NCS1: variants seen among roughly 807,000 people sequenced by gnomAD.
NCS1 encodes neuronal calcium sensor 1.
NCS1 carries 6 observed loss-of-function variants against 28.4 expected under a neutral mutation model. The observed-to-expected ratio is 0.21, with a 90% CI of 0.12 to 0.42. The LOEUF (loss-of-function observed/expected upper bound fraction) is 0.42. Ranked by LOEUF, NCS1 falls within the 10% of genes least tolerant of loss-of-function variation. The probability of loss-of-function intolerance (pLI) is 1.00; values close to 1 mark genes in which losing one functional copy is unlikely to be tolerated. For synonymous variants in NCS1, 86 were observed against 99.3 expected (o/e 0.87, Z 0.79); for missense variants, 131 against 241.4 (o/e 0.54, Z 3.03).
rs1833598053 is a variant in NCS1 at position 130,236,563 on chromosome 9, T to A, written c.*3591T>A. 1 of 151,560 alleles carries A rather than the reference T, an allele frequency of 6.6e-6. No individual in the cohort carries two copies. The highest frequency in any genetic ancestry group is 2.4e-5 in the African/African-American group (1 of 41,188). The allele number at this position is 151,560 out of a possible 1,614,324, so 9.4% of individuals were successfully genotyped here. A position where few individuals can be genotyped will look rare whatever the true frequency, so the allele number is the denominator to read the frequency against. On this transcript the variant is annotated 3_prime_UTR_variant, in exon 8 of 8. Transcript: ENST00000372398. Reference sequence around the variant, plus strand: ...TTGCCCCCCTCTTTTTTTTTTTTTTTTAATATCTGCGGAATAAACCCAATG... The same window carrying A: ...TTGCCCCCCTCTTTTTTTTTTTTTTATAATATCTGCGGAATAAACCCAATG...
At chr9:130,212,631 A>T (rs1833127913) in intron 2 of NCS1, among the ~76,000 whole-genome samples, 3 of 151,308 alleles carry the variant, frequency 2.0e-5, no homozygotes, top group Admixed American at 2.0e-4. Flanking sequence ...GCACCAGAGC[A>T]GGTCTGGCGG....
rs140770901 is a variant in NCS1 at position 130,186,561 on chromosome 9, C to T, written c.64+13834C>T. On this transcript the variant is annotated intron_variant, in intron 1 of 7. Coordinates refer to ENST00000372398, the MANE Select transcript of NCS1 (RefSeq NM_014286.4). This position sits in a 1 kb window ranked among gnomAD's most constrained non-coding sequence, Gnocchi z 4.1. ...CTTCAGGCAGCAGGAACAGCATGTT[C>T]CAGGTCAGTCCTCACCTTCCAGGGC... Among the ~76,000 whole-genome samples, 1,640 of 152,080 alleles carry T rather than the reference C, an allele frequency of 0.011. 9 individuals carry two copies. The highest frequency in any genetic ancestry group is 0.041 in the Middle Eastern group (12 of 294).
At chr9:130,222,809 G>C (rs1290627496) in intron 5 of NCS1, 71 bp downstream of exon 5, 2 of 1,488,052 alleles carry the variant, frequency 1.3e-6, no homozygotes, top group East Asian at 2.3e-5. Context: ...GACAGAGAGA[G>C]AGCACTTGTG....
At chr9:130,172,790 C>G in intron 1 of NCS1, 63 bp downstream of exon 1, 1 of 939,372 alleles carries the variant, frequency 1.1e-6, no homozygotes, top group African/African-American at 1.8e-5. Context: ...GCCCCCGCCC[C>G]CGCCCCCCGG....
intron 1 of NCS1, among the ~76,000 whole-genome samples, chr9:130,197,509 C>T (rs757125666): frequency 2.0e-5 from 3 of 152,172 alleles, no homozygotes; most frequent in South Asian, 2.1e-4. Context: ...CTCTCCACCC[C>T]GGCTCAGCTT....
In NCS1 at chr9:130,226,537, G is replaced by T. The variant is rs1554911426; in HGVS notation, c.*17+33G>T. The T allele has an allele frequency of 1.3e-6, 2 of 1,528,946 alleles. No homozygotes were observed. Among genetic ancestry groups the T allele is most frequent in the Non-Finnish European group, 9.0e-7 (1 of 1,113,830 alleles). The allele number at this position is 1,528,946 out of a possible 1,614,324, so 94.7% of individuals were successfully genotyped here. A position where few individuals can be genotyped will look rare whatever the true frequency, so the allele number is the denominator to read the frequency against. On this transcript the variant is annotated intron_variant, in intron 7 of 7. Coordinates refer to ENST00000372398, the MANE Select transcript of NCS1 (RefSeq NM_014286.4). The surrounding 1 kb of genome is among the most constrained non-coding windows in gnomAD (Gnocchi z 4.8). ...CAGACTCGGGGCCTGGGGTGGGTCT[G>T]GGATGGGTCAGGGGTGAAAACCCAG...
intron 2 of NCS1, among the ~76,000 whole-genome samples, chr9:130,204,328 G>A (rs577462754): frequency 2.0e-5 from 3 of 152,028 alleles, no homozygotes; most frequent in South Asian, 2.1e-4. Flanking sequence ...TTGCCCTGTC[G>A]CCCAGGCTGG....
At position 130,180,574 on chromosome 9, in the gene NCS1, A is replaced by G. The variant is rs1308578439; in HGVS notation, c.64+7847A>G. 6.6e-6 allele frequency among the ~76,000 whole-genome samples: 1 copy of G among 152,170 alleles called. No homozygotes were observed. On this transcript the variant is annotated intron_variant, in intron 1 of 7. Coordinates refer to ENST00000372398, the MANE Select transcript of NCS1 (RefSeq NM_014286.4). The surrounding 1 kb of genome is among the most constrained non-coding windows in gnomAD (Gnocchi z 4.5). ...TGAGATTGGGGTCATATTCTGACCA[A>G]GGGCAGAACGGCAGGTGCTGAGGAC... is the stretch of plus-strand genomic sequence containing the variant.
intron 1 of NCS1, among the ~76,000 whole-genome samples, chr9:130,183,452 G>GGAGGAATGTGGCTTT (rs1472007565): frequency 2.0e-5 from 3 of 152,202 alleles, no homozygotes; most frequent in Non-Finnish European, 4.4e-5. Context: ...GGGGAGGGCA[G>GGAGGAATGTGGCTTT]GAGGAATGTG....
intron 6 of NCS1, among the ~76,000 whole-genome samples, chr9:130,225,789 A>T (rs1238968321): frequency 2.6e-5 from 4 of 152,160 alleles, no homozygotes; most frequent in African/African-American, 9.7e-5. Flanking sequence ...CTCTCTGGAT[A>T]CCCGAGATCG....
chr9:130,236,369 A>G lies in NCS1; in HGVS notation c.*3397A>G, dbSNP rs1471620411. 6.6e-6 allele frequency: 1 copy of G among 151,988 alleles called. No individual in the cohort carries two copies. Among genetic ancestry groups the G allele is most frequent in the Non-Finnish European group, 1.5e-5 (1 of 67,996 alleles). 9.4% of individuals were successfully genotyped at this position (151,988 alleles called of 1,614,324 possible). ...CAACGCACCTGGGGGCTGCAACCCC[A>G]CCGGACGGGTGGTCCGGAGGGAGGC... On this transcript the variant is annotated 3_prime_UTR_variant, in exon 8 of 8. Coordinates refer to ENST00000372398, the MANE Select transcript of NCS1 (RefSeq NM_014286.4).
intron 4 of NCS1, among the ~76,000 whole-genome samples, chr9:130,221,395 TATATATATATATATATATAGAGAGAG>T (rs1243373195): frequency 3.5e-3 from 229 of 64,912 alleles, no homozygotes; most frequent in African/African-American, 0.013. Flanking sequence ...TATATATATA[TATATATATATATATATATAGAGAGAG>T]AGAGAGAGAG....
chr9:130,211,709 G>A (rs947513), intron 2 of NCS1, among the ~76,000 whole-genome samples: 81,371 of 151,846 alleles, frequency 0.54, 22,440 homozygotes, highest in East Asian at 0.84. Flanking sequence ...TTGGCTAGCT[G>A]TGTGAGCCTG....
intron 7 of NCS1, among the ~76,000 whole-genome samples, chr9:130,227,225 T>C (rs1266725963): frequency 6.6e-6 from 1 of 152,186 alleles, no homozygotes; most frequent in Non-Finnish European, 1.5e-5. Flanking sequence ...CCCCTGTTGC[T>C]GGTAGAGAGC....
At position 130,219,907 on chromosome 9, in the gene NCS1, C is replaced by G; in HGVS notation, c.307+104C>G. The G allele has an allele frequency of 8.3e-7, 1 of 1,207,634 alleles. No individual in the cohort carries two copies. Among genetic ancestry groups the G allele is most frequent in the East Asian group, 2.4e-5 (1 of 41,866 alleles). The allele number at this position is 1,207,634 out of a possible 1,614,324, so 74.8% of individuals were successfully genotyped here. A position where few individuals can be genotyped will look rare whatever the true frequency, so the allele number is the denominator to read the frequency against. On this transcript the variant is annotated intron_variant, in intron 4 of 7. Coordinates refer to ENST00000372398, the MANE Select transcript of NCS1 (RefSeq NM_014286.4). The surrounding 1 kb of genome is among the most constrained non-coding windows in gnomAD (Gnocchi z 5.7). Reference sequence around the variant, plus strand: ...AGGCAGGGGTGCCAGACACCCACTGCAGTGACCACAGATGGCGTCCCAGCT... The same window carrying G: ...AGGCAGGGGTGCCAGACACCCACTGGAGTGACCACAGATGGCGTCCCAGCT...
In NCS1 at chr9:130,213,917, T is replaced by G. The variant is rs1169699542; in HGVS notation, c.90-3915T>G. Among the ~76,000 whole-genome samples, 4 of 152,200 alleles carry G rather than the reference T, an allele frequency of 2.6e-5. No homozygotes were observed. The East Asian group carries it at 7.7e-4, about 29-fold the overall frequency. On this transcript the variant is annotated intron_variant, in intron 2 of 7. Coordinates refer to ENST00000372398, the MANE Select transcript of NCS1 (RefSeq NM_014286.4). ...TTTCTAACTGTGCCCACAGAGCTCTTAGGTCTCAGCCAGGGTCTCTGGAGG... is the reference window on the plus strand; with the variant it reads ...TTTCTAACTGTGCCCACAGAGCTCTGAGGTCTCAGCCAGGGTCTCTGGAGG...
intron 2 of NCS1, among the ~76,000 whole-genome samples, chr9:130,210,139 A>G (rs1833092877): frequency 1.3e-5 from 2 of 151,962 alleles, no homozygotes; most frequent in African/African-American, 2.4e-5. Flanking sequence ...GATGGCTCAC[A>G]CCTGTAATCC....
chr9:130,221,377 C>CATATAT (rs370084084), intron 4 of NCS1, among the ~76,000 whole-genome samples: 2 of 84,712 alleles, frequency 2.4e-5, no homozygotes, highest in African/African-American at 9.1e-5. Flanking sequence ...TATAAAATAT[C>CATATAT]ATATATATAT....
At position 130,180,091 on chromosome 9, in the gene NCS1, G is replaced by A. The variant is rs1280941897; in HGVS notation, c.64+7364G>A. The stretch of plus-strand genomic sequence containing the variant: ...CTTCCGTCACCCAGGCTAGAGTGCA[G>A]TGGCGCGATCTCGGCTCACTATAAT... On this transcript the variant is annotated intron_variant, in intron 1 of 7. Transcript: ENST00000372398. The surrounding 1 kb of genome is among the most constrained non-coding windows in gnomAD (Gnocchi z 4.5). Among the ~76,000 whole-genome samples, 1 of 152,198 alleles carries A rather than the reference G, an allele frequency of 6.6e-6. No individual in the cohort carries two copies. Among genetic ancestry groups the A allele is most frequent in the Non-Finnish European group, 1.5e-5 (1 of 68,018 alleles).
Sources: gnomAD v4.1 joint callset for allele counts (sites outside exome capture counted in the v4.1 genomes callset) on GRCh38, gnomAD v4.1.1 for gene constraint, Gnocchi (gnomAD v3.1) non-coding constraint, MANE v1.5 for transcripts, NCBI Gene and HGNC (gene_info 2026-07-23, HGNC 2026-07-21) for gene names.